LGR4: variants seen among roughly 807,000 people sequenced by gnomAD.
LGR4 encodes the protein leucine-rich repeat-containing G protein-coupled receptor 4.
Under a neutral mutation model 84.8 loss-of-function variants are expected in LGR4, and 44 were observed. The observed-to-expected ratio is 0.52, with a 90% CI of 0.41 to 0.67. The LOEUF (loss-of-function observed/expected upper bound fraction) is 0.67. Ranked by LOEUF, LGR4 falls within the 30% of genes least tolerant of loss-of-function variation. The pLI, the probability that LGR4 is intolerant of heterozygous loss-of-function variation, is 0.00. For missense variants in LGR4, 1,032 were observed against 1,131.4 expected, an observed-to-expected ratio of 0.91 and a Z score of 1.26; for synonymous variants, 429 against 434.3, an observed-to-expected ratio of 0.99 and a Z score of 0.15.
intron 1 of LGR4, among the ~76,000 whole-genome samples, chr11:27,449,348 C>T (rs184500567): frequency 6.6e-6 from 1 of 152,164 alleles, no homozygotes; most frequent in East Asian, 1.9e-4. Context: ...TTCAGGAGGC[C>T]GAGGTAAGAT....
At chr11:27,381,684 C>T (rs550651912) in intron 7 of LGR4, among the ~76,000 whole-genome samples, 4 of 145,312 alleles carry the variant, frequency 2.8e-5, no homozygotes, top group Admixed American at 7.1e-5. Flanking sequence ...AGTGAGACTC[C>T]GTCTCAAAAC....
intron 15 of LGR4, chr11:27,373,234 T>C (rs1276544644): frequency 5.4e-6 from 1 of 184,314 alleles, no homozygotes; most frequent in Non-Finnish European, 1.1e-5. Flanking sequence ...TATTATAGCA[T>C]TGTTTTCTGC....
intron 1 of LGR4, among the ~76,000 whole-genome samples, chr11:27,469,858 C>T (rs1385521987): frequency 6.6e-6 from 1 of 152,152 alleles, no homozygotes; most frequent in Admixed American, 6.5e-5. Flanking sequence ...CCTAGGTGAT[C>T]GCAACATGTC....
rs952168578 is a variant in LGR4, at chr11:27,369,039, T to C, written c.1684A>G (p.Thr562Ala). Reference protein sequence around the residue: ...ALFFNLLVILTTFASCTSLPS... With the variant: ...ALFFNLLVILATFASCTSLPS... ...AGTGATGTACAAGATGCAAATGTTG[T>C]TAAAATAACAAGCAGGTTGAAAAAT... Residue 562 changes from threonine (T) to alanine (A), a missense_variant, in exon 18 of 18, where the codon ACA (threonine) becomes GCA (alanine). Coordinates refer to ENST00000379214, the MANE Select transcript of LGR4 (RefSeq NM_018490.5). The C allele has an allele frequency of 1.2e-6, 2 of 1,613,970 alleles. No homozygotes were observed. Among genetic ancestry groups the C allele is most frequent in the African/African-American group, 2.7e-5 (2 of 74,988 alleles).
chr11:27,441,936 G>A (rs929791295), intron 1 of LGR4, among the ~76,000 whole-genome samples: 1 of 152,130 alleles, frequency 6.6e-6, no homozygotes, highest in African/African-American at 2.4e-5. Flanking sequence ...CAGTATTTGC[G>A]AAGGATCAGA....
intron 1 of LGR4, 82 bp downstream of exon 1, chr11:27,472,032 GGACT>G (rs1309847749): frequency 1.9e-6 from 2 of 1,040,704 alleles, no homozygotes; most frequent in Non-Finnish European, 1.2e-6. Flanking sequence ...GGGTGGGGTG[GGACT>G]GACCCCTGGC....
intron 7 of LGR4, 102 bp from the exon 8 acceptor site, chr11:27,381,068 A>G: frequency 1.7e-6 from 1 of 603,564 alleles, no homozygotes; most frequent in Non-Finnish European, 3.0e-6. Context: ...ACAACTGATA[A>G]TGACTACATG....
chr11:27,454,759 CT>C (rs1485871660), intron 1 of LGR4, among the ~76,000 whole-genome samples: 2 of 111,144 alleles, frequency 1.8e-5, no homozygotes, highest in African/African-American at 2.9e-5. Context: ...AAGACTCTGT[CT>C]CAAAAAAAAA....
rs1864319029 is a variant in LGR4, at chr11:27,442,422, T to C, written c.186-29562A>G. Among the ~76,000 whole-genome samples, 3 of 152,314 alleles carry C rather than the reference T, an allele frequency of 2.0e-5. No individual in the cohort carries two copies. The South Asian group carries it at 6.2e-4, about 32-fold the overall frequency. ...CAGCTACACAACTACGTTACCTACC[T>C]TGCCGCAAAACTTTATTTTGTTTTG... On this transcript the variant is annotated intron_variant, in intron 1 of 17. Coordinates refer to ENST00000379214, the MANE Select transcript of LGR4 (RefSeq NM_018490.5).
At chr11:27,386,840 AG>A (rs1285515845) in intron 4 of LGR4, among the ~76,000 whole-genome samples, 1 of 152,258 alleles carries the variant, frequency 6.6e-6, no homozygotes. Context: ...GGCTGCCTTA[AG>A]AATCTACCTA....
chr11:27,409,212 A>T (rs769649207), intron 2 of LGR4, among the ~76,000 whole-genome samples: 27 of 152,258 alleles, frequency 1.8e-4, no homozygotes, highest in African/African-American at 6.0e-4. Context: ...ACAGTGTTCC[A>T]GAAAGCACTG....
Position 27,367,763 on chromosome 11 carries a change from A to T in LGR4, c.*104T>A. 1.3e-6 allele frequency: 1 copy of T among 782,750 alleles called. No homozygotes were observed. Among genetic ancestry groups the T allele is most frequent in the Non-Finnish European group, 2.0e-6 (1 of 489,888 alleles). The allele number at this position is 782,750 out of a possible 1,614,324, so 48.5% of individuals were successfully genotyped here. ...ACCTCTCCTTCTTCTAAGTGACACC[A>T]GGCAGTGATTACAGAAGTGCTTCCC... On this transcript the variant is annotated 3_prime_UTR_variant, in exon 18 of 18. Transcript: ENST00000379214.
At chr11:27,387,621 A>C (rs963307887) in intron 4 of LGR4, among the ~76,000 whole-genome samples, 3 of 152,066 alleles carry the variant, frequency 2.0e-5, no homozygotes, top group Non-Finnish European at 4.4e-5. Flanking sequence ...GGAGGAGGGG[A>C]GTAGAGGGAC....
At position 27,368,993 on chromosome 11, in the gene LGR4, A is replaced by G; in HGVS notation, c.1730T>C (p.Ile577Thr). 1.2e-6 allele frequency: 2 copies of G among 1,614,180 alleles called. No homozygotes were observed. Among genetic ancestry groups the G allele is most frequent in the Non-Finnish European group, 1.7e-6 (2 of 1,180,014 alleles). The change falls in exon 18 of 18, where the codon ATA becomes ACA. Residue 577 changes from isoleucine to threonine, a missense_variant. Transcript: ENST00000379214. ...TAAGTTAGACACAGAAATCAAGCCT[A>G]TAAACAATTTGGACGAAGGCAGTGA... ...CTSLPSSKLF[I>T]GLISVSNLFM...
chr11:27,380,381 T>C, intron 9 of LGR4, 42 bp from the exon 10 acceptor site: 1 of 1,456,376 alleles, frequency 6.9e-7, no homozygotes, highest in Non-Finnish European at 9.5e-7. Context: ...TTAAATTTTT[T>C]TTCATATTTT....
rs75124895 is a variant in LGR4, at chr11:27,407,023, T to C, written c.257+5766A>G. Among the ~76,000 whole-genome samples, 535 of 152,202 alleles carry C rather than the reference T, an allele frequency of 3.5e-3. 7 individuals are homozygous for C. Among genetic ancestry groups the C allele is most frequent in the African/African-American group, 0.012 (506 of 41,534 alleles). On this transcript the variant is annotated intron_variant, in intron 2 of 17. Coordinates refer to ENST00000379214, the MANE Select transcript of LGR4 (RefSeq NM_018490.5). ...ACTATGCATCTCAGAGATATAAAAA[T>C]TGGTAAGATATAGAAGAGATGACAT...
intron 12 of LGR4, 59 bp downstream of exon 12, chr11:27,377,099 A>C: frequency 1.0e-6 from 1 of 977,042 alleles, no homozygotes; most frequent in Non-Finnish European, 1.6e-6. Context: ...AAAAATACGA[A>C]ATGCTCAACA....
In LGR4 at chr11:27,368,273, C is replaced by G; in HGVS notation, c.2450G>C (p.Arg817Pro). The change falls in exon 18 of 18, where the codon CGA (arginine) becomes CCA (proline). Residue 817 changes from arginine to proline, a missense_variant. Transcript: ENST00000379214. ...TGATCCACTTTTCTTGGTAACACGT[C>G]GCTTCAGTAACTTCCAGTCTTCTTT... The part of the protein sequence containing the change: ...KFKEDWKLLK[R>P]RVTKKSGSVS... The G allele has an allele frequency of 6.2e-7, 1 of 1,614,178 alleles. No homozygotes were observed. The highest frequency in any genetic ancestry group is 8.5e-7 in the Non-Finnish European group (1 of 1,180,026).
At position 27,385,314 on chromosome 11, in the gene LGR4, G is replaced by C. The variant is rs1478422675; in HGVS notation, c.556C>G (p.Leu186Val). 7 of 1,607,630 alleles carry C rather than the reference G, an allele frequency of 4.4e-6. No homozygotes were observed. The East Asian group carries it at 1.1e-4, about 26-fold the overall frequency. The change falls in exon 5 of 18, where the codon CTC becomes GTC. Residue 186 changes from leucine to valine, a missense_variant. Physicochemically the swap from Leu to Val is conservative, Grantham distance 32. Coordinates refer to ENST00000379214, the MANE Select transcript of LGR4 (RefSeq NM_018490.5). ...LPTLQALTLA[L>V]NKISSIPDFA... ...TCAGGGATGCTTGAGATCTTGTTGAGAGCCAGGGTCAGCGCCTGTAGGGTG... is the reference window on the plus strand; with the variant it reads ...TCAGGGATGCTTGAGATCTTGTTGACAGCCAGGGTCAGCGCCTGTAGGGTG...
Sources: allele counts gnomAD v4.1 joint callset (sites outside exome capture counted in the v4.1 genomes callset), GRCh38; gene constraint gnomAD v4.1.1; transcripts MANE v1.5; gene names NCBI Gene and HGNC (gene_info 2026-07-23, HGNC 2026-07-21).